The following STXBP4 variants were observed in gnomAD, a reference collection of about 807,000 sequenced individuals.
STXBP4 encodes syntaxin binding protein 4.
STXBP4 carries 55 observed loss-of-function variants against 76.1 expected under a neutral mutation model. The ratio of observed to expected loss-of-function variants is 0.72; its 90% CI spans 0.58 to 0.91. The LOEUF is 0.91. STXBP4 is among the 40% of genes least tolerant of loss of function. STXBP4 has a pLI of 0.00. For missense variants in STXBP4, 618 were observed against 636.9 expected (o/e 0.97, Z 0.32); for synonymous variants, 201 against 220.2 (o/e 0.91, Z 0.77).
chr17:55,202,247 A>G, the STXBP4 span, among the ~76,000 whole-genome samples: 5 of 151,908 alleles, frequency 3.3e-5, no homozygotes, highest in Admixed American at 3.3e-4. Flanking sequence ...TGGTCTCTCA[A>G]TCTTGAACAC....
intron 10 of STXBP4, among the ~76,000 whole-genome samples, chr17:55,041,233 T>TG (rs972236430): frequency 6.7e-6 from 1 of 148,738 alleles, no homozygotes; most frequent in African/African-American, 2.5e-5. Flanking sequence ...TTAAACTTTT[T>TG]TTTTTTTTTT....
At chr17:55,109,472 A>T (rs1267589718) in intron 16 of STXBP4, among the ~76,000 whole-genome samples, 1 of 152,146 alleles carries the variant, frequency 6.6e-6, no homozygotes, top group African/African-American at 2.4e-5. Context: ...TCAAGGATCT[A>T]TCCATTTACA....
rs568386488 is a variant in STXBP4, at chr17:55,169,249, A to T, written c.*9338A>T. 6.6e-6 allele frequency: 1 copy of T among 151,866 alleles called. No homozygotes were observed. Among genetic ancestry groups the T allele is most frequent in the South Asian group, 2.1e-4 (1 of 4,814 alleles). The allele number at this position is 151,866 out of a possible 1,614,324, so 9.4% of individuals were successfully genotyped here. ...TCAAGCAAAGCCTATTCTGGAGATG[A>T]CTTTGGTTCACTCCCACGGGAGAGC... is the stretch of plus-strand genomic sequence containing the variant. On this transcript the variant is annotated 3_prime_UTR_variant, in exon 18 of 18. Coordinates refer to ENST00000376352, the MANE Select transcript of STXBP4 (RefSeq NM_178509.6).
In STXBP4 at chr17:55,167,777, T is replaced by C. The variant is rs1296661838; in HGVS notation, c.*7866T>C. Reference sequence around the variant, plus strand: ...CAGAACTCTGAAATTGCAGAAATTATCTCATCTATAAGTAACCCCACTGGA... The same window carrying C: ...CAGAACTCTGAAATTGCAGAAATTACCTCATCTATAAGTAACCCCACTGGA... On this transcript the variant is annotated 3_prime_UTR_variant, in exon 18 of 18. Transcript: ENST00000376352. The C allele has an allele frequency of 6.6e-6, 1 of 152,208 alleles. No homozygotes were observed. The highest frequency in any genetic ancestry group is 1.5e-5 in the Non-Finnish European group (1 of 68,034). The allele number at this position is 152,208 out of a possible 1,614,324, so 9.4% of individuals were successfully genotyped here. A position where few individuals can be genotyped will look rare whatever the true frequency, so the allele number is the denominator to read the frequency against.
chr17:55,104,886 T>G lies in STXBP4; in HGVS notation c.1489+23703T>G, dbSNP rs1351506261. On this transcript the variant is annotated intron_variant, in intron 16 of 17. Transcript: ENST00000376352. The stretch of plus-strand genomic sequence containing the variant: ...TGTACATGTCCAGGAATTTATCCAT[T>G]TCTTCTAGATTTTCTAGTTTATATG... 9.2e-5 allele frequency among the ~76,000 whole-genome samples: 14 copies of G among 152,340 alleles called. No homozygotes were observed. The East Asian group carries it at 2.5e-3, about 27-fold the overall frequency.
rs758676968 is a variant in STXBP4, at chr17:55,078,746, T to G, written c.1355+11T>G. The G allele has an allele frequency of 2.1e-6, 3 of 1,447,984 alleles. No homozygotes were observed. Among genetic ancestry groups the G allele is most frequent in the Non-Finnish European group, 2.9e-6 (3 of 1,031,996 alleles). 89.7% of individuals were successfully genotyped at this position (1,447,984 alleles called of 1,614,324 possible). Reference sequence around the variant, plus strand: ...TTTATCAAATTTAAGGTAAGAAAATTTAAGTGCTTTTTGCAGAATATGGGT... The same window carrying G: ...TTTATCAAATTTAAGGTAAGAAAATGTAAGTGCTTTTTGCAGAATATGGGT... On this transcript the variant is annotated intron_variant, in intron 15 of 17. Transcript: ENST00000376352.
intron 16 of STXBP4, among the ~76,000 whole-genome samples, chr17:55,118,765 A>G (rs960723422): frequency 1.3e-5 from 2 of 151,800 alleles, no homozygotes; most frequent in Non-Finnish European, 2.9e-5. Flanking sequence ...AAATTAGGCA[A>G]ATGTACTATT....
intron 16 of STXBP4, among the ~76,000 whole-genome samples, chr17:55,113,435 A>G (rs2079746159): frequency 1.3e-5 from 2 of 152,152 alleles, no homozygotes; most frequent in South Asian, 2.1e-4. Flanking sequence ...ATCCTGTAAC[A>G]TATGTTAAAA....
chr17:55,152,883 A>G (rs2080231739), intron 17 of STXBP4, among the ~76,000 whole-genome samples: 1 of 152,208 alleles, frequency 6.6e-6, no homozygotes, highest in African/African-American at 2.4e-5. Context: ...GAACTAGTCA[A>G]TACATCTTTA....
rs1275497410 is a variant in STXBP4, at chr17:55,160,531, T to C, written c.*620T>C. On this transcript the variant is annotated 3_prime_UTR_variant, in exon 18 of 18. Transcript: ENST00000376352. The stretch of plus-strand genomic sequence containing the variant: ...GGGTATGTTTATTCTTGGTTTTCAG[T>C]AGGGAAATAGCAGTTCAGAGAGAGG... 6.6e-6 allele frequency: 1 copy of C among 152,552 alleles called. No individual in the cohort carries two copies. The highest frequency in any genetic ancestry group is 2.4e-5 in the African/African-American group (1 of 41,404). 9.4% of individuals were successfully genotyped at this position (152,552 alleles called of 1,614,324 possible).
intron 11 of STXBP4, among the ~76,000 whole-genome samples, chr17:55,046,295 T>C (rs904318516): frequency 1.3e-5 from 2 of 152,046 alleles, no homozygotes; most frequent in East Asian, 3.8e-4. Flanking sequence ...TTCATTTTCA[T>C]ATACCTTCAT....
intron 16 of STXBP4, among the ~76,000 whole-genome samples, chr17:55,131,131 A>G (rs1227482696): frequency 6.6e-6 from 1 of 152,218 alleles, no homozygotes; most frequent in Non-Finnish European, 1.5e-5. Flanking sequence ...TTACATTCCC[A>G]CCAACAGTGT....
chr17:55,054,881 TG>T (rs1187331743), intron 12 of STXBP4, among the ~76,000 whole-genome samples: 1 of 152,154 alleles, frequency 6.6e-6, no homozygotes, highest in Non-Finnish European at 1.5e-5. Flanking sequence ...GCACGTGAGC[TG>T]ACCCAGACAC....
chr17:55,098,208 G>A (rs2079519145), intron 16 of STXBP4, among the ~76,000 whole-genome samples: 1 of 152,104 alleles, frequency 6.6e-6, no homozygotes, highest in Admixed American at 6.6e-5. Context: ...GAGAAACCGT[G>A]TGCTAAAACC....
At chr17:54,972,456 G>A (rs1222451806) in intron 1 of STXBP4, among the ~76,000 whole-genome samples, 3 of 152,044 alleles carry the variant, frequency 2.0e-5, no homozygotes, top group East Asian at 1.9e-4. Context: ...TTGTTTATTC[G>A]TTTACATCAA....
intron 17 of STXBP4, among the ~76,000 whole-genome samples, chr17:55,146,483 A>C (rs2080155165): frequency 6.6e-6 from 1 of 152,042 alleles, no homozygotes; most frequent in South Asian, 2.1e-4. Context: ...AGGCCAAGGC[A>C]GGCGGATCAC....
At chr17:55,073,143 AT>A in intron 13 of STXBP4, 67 bp downstream of exon 13, 2 of 1,485,304 alleles carry the variant, frequency 1.3e-6, no homozygotes, top group Non-Finnish European at 9.3e-7. Context: ...TCCTGTTTTC[AT>A]TTTCTTTTCA....
At chr17:55,148,181 G>A (rs2080177576) in intron 17 of STXBP4, among the ~76,000 whole-genome samples, 1 of 152,126 alleles carries the variant, frequency 6.6e-6, no homozygotes, top group Non-Finnish European at 1.5e-5. Flanking sequence ...TAAAATGATT[G>A]TCTATACTTG....
At chr17:55,096,038 T>C (rs2079481357) in intron 16 of STXBP4, among the ~76,000 whole-genome samples, 1 of 152,214 alleles carries the variant, frequency 6.6e-6, no homozygotes, top group African/African-American at 2.4e-5. Context: ...AGTATTCGCT[T>C]CCTGTCTCTG....
Sources: allele counts gnomAD v4.1 joint callset (sites outside exome capture counted in the v4.1 genomes callset), GRCh38; gene constraint gnomAD v4.1.1; transcripts MANE v1.5; gene names NCBI Gene and HGNC (gene_info 2026-07-23, HGNC 2026-07-21).